Variants in DLG1 observed in about 807,000 individuals in gnomAD.
DLG1 encodes discs large MAGUK scaffold protein 1.
DLG1 carries 42 observed loss-of-function variants against 123.4 expected under a neutral mutation model. The observed-to-expected ratio is 0.34, with a 90% confidence interval of 0.27 to 0.44. DLG1 has a LOEUF of 0.44. Ranked by LOEUF, DLG1 falls within the 20% of genes least tolerant of loss-of-function variation. The pLI is 1.00. For missense variants in DLG1, 942 were observed against 1,082.6 expected, an observed-to-expected ratio of 0.87 and a Z score of 1.82; for synonymous variants, 317 against 356.2, an observed-to-expected ratio of 0.89 and a Z score of 1.24.
chr3:197,177,044 T>C (rs1260806409), intron 5 of DLG1, among the ~76,000 whole-genome samples: 1 of 152,060 alleles, frequency 6.6e-6, no homozygotes, highest in African/African-American at 2.4e-5. Flanking sequence ...TAAGAACCAA[T>C]TTTTGAGTCA....
intron 4 of DLG1, chr3:197,226,305 G>C (rs1426229514): frequency 6.6e-6 from 1 of 152,168 alleles, no homozygotes; most frequent in Non-Finnish European, 1.5e-5. Flanking sequence ...ATTCACCACA[G>C]AGCTCCACTT....
intron 5 of DLG1, among the ~76,000 whole-genome samples, chr3:197,178,623 T>C (rs1432505513): frequency 6.6e-6 from 1 of 152,232 alleles, no homozygotes; most frequent in East Asian, 1.9e-4. Flanking sequence ...GTTCAAAGAC[T>C]GAGCCCTGAG....
intron 6 of DLG1, among the ~76,000 whole-genome samples, chr3:197,143,997 T>A (rs1407841718): frequency 6.6e-6 from 1 of 152,210 alleles, no homozygotes; most frequent in Non-Finnish European, 1.5e-5. Context: ...TTAAAATTTC[T>A]CGTGATATGA....
chr3:197,217,417 T>C (rs2150464741), intron 4 of DLG1, among the ~76,000 whole-genome samples: 1 of 152,354 alleles, frequency 6.6e-6, no homozygotes, highest in African/African-American at 2.4e-5. Context: ...TATGTTTTGA[T>C]TTCAAGTGAA....
chr3:197,081,161 T>C (rs776771023), intron 16 of DLG1, 44 bp from the exon 17 acceptor site: 31 of 1,558,228 alleles, frequency 2.0e-5, no homozygotes, highest in Non-Finnish European at 2.6e-5. Flanking sequence ...ACCAAACATA[T>C]CTGGGGTCTT....
chr3:197,277,334 T>A (rs967699782), intron 4 of DLG1, among the ~76,000 whole-genome samples: 1 of 151,732 alleles, frequency 6.6e-6, no homozygotes, highest in Non-Finnish European at 1.5e-5. Context: ...TACTCTTTCA[T>A]CTTGCCTTTT....
At position 197,130,299 on chromosome 3, in the gene DLG1, T is replaced by G. The variant is rs147196229; in HGVS notation, c.1165+228A>C. 2.5e-4 allele frequency among the ~76,000 whole-genome samples: 38 copies of G among 152,296 alleles called. No homozygotes were observed. The East Asian group carries it at 6.5e-3, about 26-fold the overall frequency. ...CATAAAAGTTTGAAAATCCTTTAAA[T>G]GTAACTACTACTATAAAATAATAAA... is the stretch of plus-strand genomic sequence containing the variant. On this transcript the variant is annotated intron_variant, in intron 11 of 24. Transcript: ENST00000667157.
rs945616961 is a variant in DLG1, at chr3:197,171,004, C to A, written c.484-21208G>T. Among the ~76,000 whole-genome samples the A allele has an allele frequency of 5.9e-5, 9 of 152,094 alleles. No homozygotes were observed. In the South Asian group the frequency reaches 8.3e-4, roughly 14 times the overall value. On this transcript the variant is annotated intron_variant, in intron 5 of 24. Coordinates refer to ENST00000667157, the MANE Select transcript of DLG1 (RefSeq NM_001366207.1). ...GATGGCAAGGAAAAGTATCAACTGTCGTGTCACTGTGGGTTAGTAAGGATC... is the reference window on the plus strand; with the variant it reads ...GATGGCAAGGAAAAGTATCAACTGTAGTGTCACTGTGGGTTAGTAAGGATC...
chr3:197,273,825 T>A, intron 4 of DLG1, among the ~76,000 whole-genome samples: 1 of 49,286 alleles, frequency 2.0e-5, no homozygotes, highest in African/African-American at 7.6e-5. Flanking sequence ...AAATCAGGAA[T>A]ACAATCACAT....
chr3:197,297,753 C>T, intron 1 of DLG1: 1 of 986,310 alleles, frequency 1.0e-6, no homozygotes, highest in Non-Finnish European at 1.2e-6. Flanking sequence ...CGCCCTCGCG[C>T]CCCGCATGCA....
intron 21 of DLG1, 63 bp downstream of exon 21, chr3:197,065,644 TC>T: frequency 8.0e-7 from 1 of 1,244,714 alleles, no homozygotes; most frequent in Non-Finnish European, 1.2e-6. Flanking sequence ...TATCTATTTT[TC>T]CCACACACAG....
intron 17 of DLG1, among the ~76,000 whole-genome samples, chr3:197,077,606 A>G (rs773305989): frequency 6.6e-5 from 10 of 152,240 alleles, no homozygotes; most frequent in Non-Finnish European, 8.8e-5. Flanking sequence ...AAGGCAATTA[A>G]GATTCTAACA....
chr3:197,280,309 T>C (rs1768609342), intron 4 of DLG1, among the ~76,000 whole-genome samples: 1 of 151,508 alleles, frequency 6.6e-6, no homozygotes, highest in Non-Finnish European at 1.5e-5. Context: ...AGGATTTCAT[T>C]CTTTTTATGG....
chr3:197,267,709 A>G (rs1762292157), intron 4 of DLG1, among the ~76,000 whole-genome samples: 1 of 152,244 alleles, frequency 6.6e-6, no homozygotes, highest in Non-Finnish European at 1.5e-5. Flanking sequence ...ATACTTACAA[A>G]GACAGATGCA....
Position 197,242,708 on chromosome 3 carries a change from A to C in DLG1, c.318+39971T>G, listed in dbSNP as rs374052444. ...ATGAAGAAATTCAGAAGGAAACTTA[A>C]AAACTTGAAACAAATGAAAATGGAA... On this transcript the variant is annotated intron_variant, in intron 4 of 24. Coordinates refer to ENST00000667157, the MANE Select transcript of DLG1 (RefSeq NM_001366207.1). 3.9e-5 allele frequency among the ~76,000 whole-genome samples: 6 copies of C among 152,314 alleles called. No homozygotes were observed. In the East Asian group the frequency reaches 9.6e-4, roughly 24 times the overall value.
intron 22 of DLG1, among the ~76,000 whole-genome samples, chr3:197,061,717 G>A (rs1735962696): frequency 6.6e-6 from 1 of 152,048 alleles, no homozygotes; most frequent in African/African-American, 2.4e-5. Context: ...TTTTTGGCAG[G>A]AATACTACAG....
At chr3:197,083,437 A>C (rs1483656097) in intron 16 of DLG1, among the ~76,000 whole-genome samples, 1 of 152,192 alleles carries the variant, frequency 6.6e-6, no homozygotes, top group African/African-American at 2.4e-5. Context: ...AAAGCTCTTA[A>C]AGAAGAACTT....
At chr3:197,093,687 CT>C (rs1260002703) in intron 14 of DLG1, among the ~76,000 whole-genome samples, 2 of 151,748 alleles carry the variant, frequency 1.3e-5, no homozygotes. Context: ...TGAAAATTGT[CT>C]GCTTTTATGA....
chr3:197,273,220 G>A (rs1764718153), intron 4 of DLG1, among the ~76,000 whole-genome samples: 1 of 144,770 alleles, frequency 6.9e-6, no homozygotes, highest in African/African-American at 2.7e-5. Flanking sequence ...GTATGTGTGT[G>A]TATATATATA....
Sources: gnomAD v4.1 joint callset for allele counts (sites outside exome capture counted in the v4.1 genomes callset) on GRCh38, gnomAD v4.1.1 for gene constraint, MANE v1.5 for transcripts, NCBI Gene and HGNC (gene_info 2026-07-23, HGNC 2026-07-21) for gene names.